KDM5B: variants seen among roughly 807,000 people sequenced by gnomAD.
The protein encoded by KDM5B is lysine demethylase 5B, also known as lysine-specific demethylase 5B.
KDM5B carries 144 observed loss-of-function variants against 193.4 expected under a neutral mutation model. The ratio of observed to expected loss-of-function variants is 0.74; its 90% CI spans 0.65 to 0.86. The LOEUF (loss-of-function observed/expected upper bound fraction) is 0.86, where lower values mean the gene tolerates loss of function less well. KDM5B is among the 40% of genes least tolerant of loss of function. The pLI, the probability that KDM5B is intolerant of heterozygous loss-of-function variation, is 0.00. For missense variants in KDM5B, 1,833 were observed against 1,886.9 expected (o/e 0.97, Z 0.53); for synonymous variants, 668 against 682.6 (o/e 0.98, Z 0.33).
At position 202,773,105 on chromosome 1, in the gene KDM5B, C is replaced by A. The variant is rs1213067766; in HGVS notation, c.576+13G>T. 1.3e-6 allele frequency: 2 copies of A among 1,582,634 alleles called. No individual in the cohort carries two copies. Among genetic ancestry groups the A allele is most frequent in the East Asian group, 2.2e-5 (1 of 44,646 alleles). ...GTAAGATAAAACAGGTTAAGGCTAG[C>A]CCCCAAACTTACCCTTAGGCTGTCT... On this transcript the variant is annotated intron_variant, in intron 4 of 26. Coordinates refer to ENST00000367265, the MANE Select transcript of KDM5B (RefSeq NM_006618.5).
intron 1 of KDM5B, among the ~76,000 whole-genome samples, chr1:202,798,112 T>C (rs1050267267): frequency 2.6e-5 from 4 of 152,172 alleles, no homozygotes; most frequent in Non-Finnish European, 4.4e-5. Context: ...GGTGGAAGGA[T>C]GACTTGAGCC....
At chr1:202,749,861 A>G (rs1379201802) in intron 13 of KDM5B, among the ~76,000 whole-genome samples, 1 of 152,230 alleles carries the variant, frequency 6.6e-6, no homozygotes, top group Non-Finnish European at 1.5e-5. Context: ...AAGTGCCATT[A>G]TAACAAAGTT....
intron 1 of KDM5B, among the ~76,000 whole-genome samples, chr1:202,783,873 CTG>C (rs1657301679): frequency 6.6e-6 from 1 of 151,520 alleles, no homozygotes; most frequent in South Asian, 2.1e-4. Flanking sequence ...GAGCGAGACT[CTG>C]TCTCAAAAAA....
Position 202,736,338 on chromosome 1 carries a change from G to A in KDM5B, c.3139C>T (p.Arg1047Ter), listed in dbSNP as rs750775126. ...DTLIELVTRG[R>*]SIPVHLNSLP... ...GAATTCAGATGTACGGGGATAGATCGGCCTCGTGTAACAAGTTCTATGAGT... is the reference window on the plus strand; with the variant it reads ...GAATTCAGATGTACGGGGATAGATCAGCCTCGTGTAACAAGTTCTATGAGT... The change falls in exon 21 of 27, where the codon CGA (arginine) becomes TGA (stop). Residue 1047 changes from arginine to a stop codon, truncating the protein, a stop_gained. Transcript: ENST00000367265. LOFTEE classifies it high-confidence loss of function. The A allele has an allele frequency of 3.1e-6, 5 of 1,611,342 alleles. No homozygotes were observed. The highest frequency in any genetic ancestry group is 2.2e-5 in the East Asian group (1 of 44,596).
At position 202,741,623 on chromosome 1, in the gene KDM5B, T is replaced by C; in HGVS notation, c.2689A>G (p.Ser897Gly). 1 of 1,614,200 alleles carries C rather than the reference T, an allele frequency of 6.2e-7. No homozygotes were observed. The highest frequency in any genetic ancestry group is 8.5e-7 in the Non-Finnish European group (1 of 1,179,998). ...AAELQDLLDVSFEFDVELPQL... is the reference protein window; with the variant it reads ...AAELQDLLDVGFEFDVELPQL... ...GGAAGTTCAACATCAAATTCAAAGC[T>C]GACATCTAGCAAGTCCTGCAGCTCC... is the stretch of plus-strand genomic sequence containing the variant. The change falls in exon 19 of 27, where the codon AGC (serine) becomes GGC (glycine). Residue 897 changes from serine (S) to glycine (G), a missense_variant. By Grantham distance (56) the Ser-to-Gly change is moderately conservative. This residue lies in a region of KDM5B where 1,379 missense variants were observed against 1,349.6 expected (regional missense o/e 1.02). Transcript: ENST00000367265.
Position 202,741,563 on chromosome 1 carries a change from C to A in KDM5B, c.2749G>T (p.Ala917Ser). 1 of 1,614,228 alleles carries A rather than the reference C, an allele frequency of 6.2e-7. No homozygotes were observed. Among genetic ancestry groups the A allele is most frequent in the Non-Finnish European group, 8.5e-7 (1 of 1,180,038 alleles). ...LAEMRIRLEQ[A>S]RWLEEVQQAC... is the part of the protein sequence containing the mutation. Reference sequence around the variant, plus strand: ...TGCTGCACCTCTTCTAGCCAACGGGCTTGTTCCAAACGGATACGCATCTCA... The same window carrying A: ...TGCTGCACCTCTTCTAGCCAACGGGATTGTTCCAAACGGATACGCATCTCA... Residue 917 changes from alanine (A) to serine (S), a missense_variant, in exon 19 of 27, where the codon GCC (alanine) becomes TCC (serine). Ala to Ser is a moderately conservative substitution (Grantham distance 99). Coordinates refer to ENST00000367265, the MANE Select transcript of KDM5B (RefSeq NM_006618.5).
At chr1:202,796,373 C>A in intron 1 of KDM5B, 1 of 291,854 alleles carries the variant, frequency 3.4e-6, no homozygotes. Flanking sequence ...CACAAGGGCA[C>A]CAGGACCCTG....
chr1:202,768,259 C>T (rs538159992), intron 4 of KDM5B, among the ~76,000 whole-genome samples: 3 of 152,202 alleles, frequency 2.0e-5, no homozygotes, highest in African/African-American at 4.8e-5. Flanking sequence ...ATATTGCCAC[C>T]GAAGCTAATA....
In KDM5B at chr1:202,773,223, G is replaced by A. The variant is rs369209380; in HGVS notation, c.471C>T (p.Thr157=). ...CKDRKWTKIA[T]KMGFAPGKAV... is the part of the protein sequence containing the mutation. ...CTTTGCCAGGAGCAAACCCCATCTTGGTAGCAATTTTGGTCCATTTTCTAT... is the reference window on the plus strand; with the variant it reads ...CTTTGCCAGGAGCAAACCCCATCTTAGTAGCAATTTTGGTCCATTTTCTAT... Residue 157 remains threonine, a synonymous_variant, in exon 4 of 27, where the codon ACC becomes ACT. Coordinates refer to ENST00000367265, the MANE Select transcript of KDM5B (RefSeq NM_006618.5). 3 of 1,613,808 alleles carry A rather than the reference G, an allele frequency of 1.9e-6. No individual in the cohort carries two copies. The highest frequency in any genetic ancestry group is 2.5e-6 in the Non-Finnish European group (3 of 1,179,848).
intron 12 of KDM5B, 37 bp from the exon 13 acceptor site, chr1:202,750,815 A>C (rs376304244): frequency 6.3e-7 from 1 of 1,598,952 alleles, no homozygotes; most frequent in Non-Finnish European, 8.5e-7. Flanking sequence ...TGAGTTTCTT[A>C]AAGAGTGACA....
At chr1:202,735,937 C>A (rs1206053185) in intron 21 of KDM5B, among the ~76,000 whole-genome samples, 1 of 152,080 alleles carries the variant, frequency 6.6e-6, no homozygotes, top group Non-Finnish European at 1.5e-5. Context: ...TTCAGGTGGG[C>A]GAAGCACGGC....
chr1:202,735,370 A>T, intron 22 of KDM5B, 59 bp downstream of exon 22: 2 of 1,520,324 alleles, frequency 1.3e-6, no homozygotes, highest in Non-Finnish European at 1.8e-6. Flanking sequence ...TAAAACAGAA[A>T]GGGTTAGAAA....
In KDM5B at chr1:202,727,456, T is replaced by G. The variant is rs1654714552; in HGVS notation, c.*1580A>C. On this transcript the variant is annotated 3_prime_UTR_variant, in exon 27 of 27. Coordinates refer to ENST00000367265, the MANE Select transcript of KDM5B (RefSeq NM_006618.5). ...AAGTGCATAAAAGGGGAGGGTACAT[T>G]TAAACCTCTGCTATATCACAAACTG... is the stretch of plus-strand genomic sequence containing the variant. The G allele has an allele frequency of 1.3e-5, 2 of 152,628 alleles. No homozygotes were observed. Among genetic ancestry groups the G allele is most frequent in the Non-Finnish European group, 2.9e-5 (2 of 68,038 alleles). The allele number at this position is 152,628 out of a possible 1,614,324, so 9.5% of individuals were successfully genotyped here. A position where few individuals can be genotyped will look rare whatever the true frequency, so the allele number is the denominator to read the frequency against.
At chr1:202,748,526 G>A (rs1342881533) in intron 14 of KDM5B, among the ~76,000 whole-genome samples, 1 of 149,552 alleles carries the variant, frequency 6.7e-6, no homozygotes, top group Non-Finnish European at 1.5e-5. Context: ...AAAAAAAACT[G>A]GTATGCAGAA....
At chr1:202,745,145 AG>A (rs972642646) in intron 16 of KDM5B, among the ~76,000 whole-genome samples, 5 of 152,170 alleles carry the variant, frequency 3.3e-5, no homozygotes, top group Non-Finnish European at 5.9e-5. Flanking sequence ...GAACACATAC[AG>A]GGGAACAACA....
chr1:202,732,332 T>C (rs1437218312), intron 23 of KDM5B, among the ~76,000 whole-genome samples: 1 of 152,162 alleles, frequency 6.6e-6, no homozygotes, highest in Non-Finnish European at 1.5e-5. Context: ...CTGTCAGAAA[T>C]CATCCATAAC....
chr1:202,734,512 C>T (rs1655024673), intron 22 of KDM5B, among the ~76,000 whole-genome samples: 1 of 152,126 alleles, frequency 6.6e-6, no homozygotes, highest in African/African-American at 2.4e-5. Flanking sequence ...AGGGAGAATT[C>T]TTAAAACCAG....
rs951432296 is a variant in KDM5B at position 202,730,158 on chromosome 1, C to G, written c.4177-131G>C. 13 of 774,630 alleles carry G rather than the reference C, an allele frequency of 1.7e-5. 1 individual carries two copies. In the African/African-American group the frequency reaches 1.9e-4, roughly 12 times the overall value. The allele number at this position is 774,630 out of a possible 1,614,324, so 48.0% of individuals were successfully genotyped here. On this transcript the variant is annotated intron_variant, in intron 25 of 26. Transcript: ENST00000367265. Reference sequence around the variant, plus strand: ...TCTACACGGGAAAAAAATACTGCATCTTAACCACTCCCCTCCCAGTCTTGT... The same window carrying G: ...TCTACACGGGAAAAAAATACTGCATGTTAACCACTCCCCTCCCAGTCTTGT...
At position 202,741,742 on chromosome 1, in the gene KDM5B, T is replaced by C. The variant is rs746522232; in HGVS notation, c.2590-20A>G. On this transcript the variant is annotated intron_variant, in intron 18 of 26. Coordinates refer to ENST00000367265, the MANE Select transcript of KDM5B (RefSeq NM_006618.5). Reference sequence around the variant, plus strand: ...GAGATCCTAAAAAAAAATACACAGGTTGTTGCATTAAAACAGTAATTTCAG... The same window carrying C: ...GAGATCCTAAAAAAAAATACACAGGCTGTTGCATTAAAACAGTAATTTCAG... 1 of 1,441,994 alleles carries C rather than the reference T, an allele frequency of 6.9e-7. No individual in the cohort carries two copies. Among genetic ancestry groups the C allele is most frequent in the African/African-American group, 1.4e-5 (1 of 70,960 alleles). 89.3% of individuals were successfully genotyped at this position (1,441,994 alleles called of 1,614,324 possible). A position where few individuals can be genotyped will look rare whatever the true frequency, so the allele number is the denominator to read the frequency against.
Sources: allele counts gnomAD v4.1 joint callset (sites outside exome capture counted in the v4.1 genomes callset), GRCh38; gene constraint gnomAD v4.1.1; regional missense constraint gnomAD v4.1.1; transcripts MANE v1.5; gene names NCBI Gene and HGNC (gene_info 2026-07-23, HGNC 2026-07-21).